The following SYNE2 variants were observed in gnomAD, a reference collection of about 807,000 sequenced individuals.
SYNE2 encodes the protein nesprin-2.
In SYNE2, 431 loss-of-function variants were observed where a neutral mutation model predicts 856.3. The ratio of observed to expected loss-of-function variants is 0.50; its 90% CI spans 0.47 to 0.55. The LOEUF (loss-of-function observed/expected upper bound fraction) is 0.55. Among genes scored for constraint, SYNE2 ranks in the 20% least tolerant of loss-of-function variants. SYNE2 has a pLI of 0.00. For synonymous variants in SYNE2, 2,923 were observed against 2,872.3 expected, an observed-to-expected ratio of 1.02 and a Z score of -0.56; for missense variants, 8,129 against 8,023.2, an observed-to-expected ratio of 1.01 and a Z score of -0.50.
chr14:63,947,893 A>G (rs2096061182), intron 6 of SYNE2, among the ~76,000 whole-genome samples: 1 of 152,086 alleles, frequency 6.6e-6, no homozygotes, highest in African/African-American at 2.4e-5. Flanking sequence ...TGTCACCTTC[A>G]CACGTGAAGT....
chr14:64,189,689 A>G lies in SYNE2; in HGVS notation c.17872-382A>G, dbSNP rs561619007. Among the ~76,000 whole-genome samples, 16 of 152,336 alleles carry G rather than the reference A, an allele frequency of 1.1e-4. 1 individual carries two copies. Among genetic ancestry groups the G allele is most frequent in the African/African-American group, 3.4e-4 (14 of 41,572 alleles). On this transcript the variant is annotated intron_variant, in intron 98 of 115. Coordinates refer to ENST00000555002, the MANE Select transcript of SYNE2 (RefSeq NM_182914.3). ...TGAAAAGTTAGCTTCATTAGAAGGT[A>G]TGAGGTTTTGAGACAGTGTCTCACT...
upstream of SYNE2, among the ~76,000 whole-genome samples, chr14:63,852,228 A>C (rs1309773802): frequency 6.6e-6 from 1 of 152,128 alleles, no homozygotes; most frequent in Non-Finnish European, 1.5e-5. Context: ...TTTTATTTGG[A>C]ACTTCAAGTG....
In SYNE2 at chr14:64,126,720, T is replaced by G. The variant is rs2097949643; in HGVS notation, c.13830T>G (p.Leu4610=). 3.7e-6 allele frequency: 6 copies of G among 1,614,080 alleles called. No homozygotes were observed. The South Asian group carries it at 5.5e-5, about 15-fold the overall frequency. ...TGCTCCTTGAATGTTTTGACAACCT[T>G]CAAGTCTGCCTGGAGCACACTCAGG... ...TNLLLECFDN[L]QVCLEHTQAA... The change falls in exon 73 of 116, where the codon CTT becomes CTG. Residue 4610 remains leucine (L), a synonymous_variant. Transcript: ENST00000555002.
chr14:63,909,007 G>C, intron 1 of SYNE2, 91 bp from the exon 2 acceptor site: 1 of 727,504 alleles, frequency 1.4e-6, no homozygotes, highest in Non-Finnish European at 2.5e-6. Flanking sequence ...TTGGAGGACA[G>C]TTTTTGGTTG....
chr14:64,209,299 C>T, intron 101 of SYNE2, 129 bp from the exon 102 acceptor site: 2 of 1,452,832 alleles, frequency 1.4e-6, no homozygotes, highest in Non-Finnish European at 1.9e-6. Flanking sequence ...GAAGTGGCGT[C>T]CCTCTTATTT....
intron 1 of SYNE2, among the ~76,000 whole-genome samples, chr14:63,895,927 TC>T (rs2153295096): frequency 6.6e-6 from 1 of 152,264 alleles, no homozygotes; most frequent in South Asian, 2.1e-4. Flanking sequence ...TTTATTTATA[TC>T]CTCTCTTATT....
In SYNE2 at chr14:64,122,100, A is replaced by G. The variant is rs2097902835; in HGVS notation, c.13247A>G (p.His4416Arg). Reference sequence around the variant, plus strand: ...AAAATGTGGCCCCAGTATTGCCAACATGATAACGATACAACTCAGGAATCA... The same window carrying G: ...AAAATGTGGCCCCAGTATTGCCAACGTGATAACGATACAACTCAGGAATCA... ...AKKMWPQYCQHDNDTTQESSA... is the reference protein window; with the variant it reads ...AKKMWPQYCQRDNDTTQESSA... Residue 4416 changes from histidine to arginine, a missense_variant, in exon 69 of 116, where the codon CAT (histidine) becomes CGT (arginine). His to Arg is a conservative substitution (Grantham distance 29). This residue lies in a region of SYNE2 where 5,410 missense variants were observed against 5,284.8 expected (regional missense o/e 1.02). Transcript: ENST00000555002. 1.2e-6 allele frequency: 2 copies of G among 1,614,192 alleles called. No individual in the cohort carries two copies. The highest frequency in any genetic ancestry group is 1.7e-6 in the Non-Finnish European group (2 of 1,180,036).
intron 2 of SYNE2, among the ~76,000 whole-genome samples, chr14:63,911,273 TC>T (rs1340809424): frequency 6.6e-6 from 1 of 152,122 alleles, no homozygotes; most frequent in Non-Finnish European, 1.5e-5. Context: ...CCTTTATCCA[TC>T]CCCAGGACGA....
chr14:64,212,532 C>CT (rs1452481234), intron 104 of SYNE2, among the ~76,000 whole-genome samples: 1 of 152,188 alleles, frequency 6.6e-6, no homozygotes, highest in Non-Finnish European at 1.5e-5. Context: ...ATGGCAAGTT[C>CT]TTTCTCTCAC....
Position 64,051,946 on chromosome 14 carries a change from G to T in SYNE2, c.8033G>T (p.Gly2678Val). ...ACTGACCTCCAGGCTACCAAGCATG[G>T]ATTTTCTGTTTTAAAGGGGCAAGCT... ...LTTDLQATKH[G>V]FSVLKGQAEL... is the part of the protein sequence containing the mutation. The change falls in exon 48 of 116, where the codon GGA (glycine) becomes GTA (valine). Residue 2678 changes from glycine to valine, a missense_variant. Coordinates refer to ENST00000555002, the MANE Select transcript of SYNE2 (RefSeq NM_182914.3). 6.2e-7 allele frequency: 1 copy of T among 1,613,908 alleles called. No homozygotes were observed. Among genetic ancestry groups the T allele is most frequent in the Non-Finnish European group, 8.5e-7 (1 of 1,180,040 alleles).
intron 6 of SYNE2, among the ~76,000 whole-genome samples, chr14:63,946,661 A>G (rs1354929926): frequency 2.0e-5 from 3 of 147,924 alleles, no homozygotes; most frequent in Non-Finnish European, 3.0e-5. Flanking sequence ...TATAATATAT[A>G]TACTATAATA....
At chr14:63,987,935 T>G (rs1248326466) in intron 19 of SYNE2, among the ~76,000 whole-genome samples, 1 of 152,148 alleles carries the variant, frequency 6.6e-6, no homozygotes, top group African/African-American at 2.4e-5. Flanking sequence ...TAATGTAATC[T>G]CATTTGTGGT....
intron 1 of SYNE2, among the ~76,000 whole-genome samples, chr14:63,839,292 G>A (rs1446708365): frequency 6.6e-6 from 1 of 152,170 alleles, no homozygotes; most frequent in Non-Finnish European, 1.5e-5. Flanking sequence ...GCCTCCCAAA[G>A]TGCTGGGATT....
intron 8 of SYNE2, among the ~76,000 whole-genome samples, chr14:63,959,431 G>A (rs1236439548): frequency 6.6e-6 from 1 of 151,360 alleles, no homozygotes. Context: ...CTGAGTAGCT[G>A]GGATTACAGG....
intron 2 of SYNE2, among the ~76,000 whole-genome samples, chr14:63,928,973 C>G (rs1015161281): frequency 1.3e-5 from 2 of 152,100 alleles, no homozygotes; most frequent in African/African-American, 2.4e-5. Flanking sequence ...CACAGAGCTC[C>G]TAAAACCCTT....
chr14:64,126,226 G>A (rs1032617192), intron 71 of SYNE2, 101 bp from the exon 72 acceptor site: 10 of 1,023,516 alleles, frequency 9.8e-6, no homozygotes, highest in Admixed American at 7.9e-5. Context: ...TACAAAAGAA[G>A]CATAACATAA....
Position 64,022,726 on chromosome 14 carries a change from T to C in SYNE2, c.5525-25T>C, listed in dbSNP as rs1163736810. ...ATGTATGAAGTCTTCCTTGAATGAA[T>C]AGAGCTTTTTTTTTCCCCCTGCAGA... On this transcript the variant is annotated intron_variant, in intron 37 of 115. Coordinates refer to ENST00000555002, the MANE Select transcript of SYNE2 (RefSeq NM_182914.3). The C allele has an allele frequency of 9.8e-6, 12 of 1,224,874 alleles. No homozygotes were observed. In the East Asian group the frequency reaches 2.1e-4, roughly 22 times the overall value. The allele number at this position is 1,224,874 out of a possible 1,614,324, so 75.9% of individuals were successfully genotyped here.
Position 64,224,541 on chromosome 14 carries a change from A to C in SYNE2, c.20463A>C (p.Arg6821=). 1 of 1,614,046 alleles carries C rather than the reference A, an allele frequency of 6.2e-7. No individual in the cohort carries two copies. The highest frequency in any genetic ancestry group is 8.5e-7 in the Non-Finnish European group (1 of 1,180,002). The change falls in exon 114 of 116, where the codon CGA becomes CGC. Residue 6821 remains arginine, a synonymous_variant. Coordinates refer to ENST00000555002, the MANE Select transcript of SYNE2 (RefSeq NM_182914.3). ...CTGCAACATCCGTGCCAGCTCCCCG[A>C]GCAAAGGTAAGAAGCCCCTTCCTTC... ...QPPATSVPAP[R]AKFRAVRTTE...
chr14:63,820,664 A>G (rs1889179165), intron 1 of SYNE2, among the ~76,000 whole-genome samples: 1 of 152,196 alleles, frequency 6.6e-6, no homozygotes, highest in Non-Finnish European at 1.5e-5. Flanking sequence ...ACTTATATCC[A>G]GAAAGGAAAT....
Sources: allele counts gnomAD v4.1 joint callset (sites outside exome capture counted in the v4.1 genomes callset), GRCh38; gene constraint gnomAD v4.1.1; regional missense constraint gnomAD v4.1.1; transcripts MANE v1.5; gene names NCBI Gene and HGNC (gene_info 2026-07-23, HGNC 2026-07-21).